Variants in POLN observed in about 807,000 individuals in gnomAD.
POLN encodes the protein DNA polymerase N.
A neutral mutation model predicts 113.5 loss-of-function variants in POLN; 108 were observed. The observed-to-expected ratio is 0.95, with a 90% CI of 0.81 to 1.12. The LOEUF is 1.12. POLN is among the 50% of genes most tolerant of loss of function. The pLI is 0.00. For synonymous variants in POLN, 386 were observed against 391.5 expected, an observed-to-expected ratio of 0.99 and a Z score of 0.17; for missense variants, 1,097 against 1,077.1, an observed-to-expected ratio of 1.02 and a Z score of -0.26.
chr4:2,114,916 G>A (rs1015608980), intron 19 of POLN, among the ~76,000 whole-genome samples: 1 of 151,818 alleles, frequency 6.6e-6, no homozygotes, highest in South Asian at 2.1e-4. Context: ...GGATTCTTTG[G>A]GGGGAGGGCT....
intron 16 of POLN, among the ~76,000 whole-genome samples, chr4:2,154,356 G>GA (rs1407857750): frequency 6.6e-6 from 1 of 151,896 alleles, no homozygotes; most frequent in Non-Finnish European, 1.5e-5. Context: ...ATACCAATAG[G>GA]AAAAAATAAA....
intron 19 of POLN, among the ~76,000 whole-genome samples, chr4:2,107,126 A>G (rs544099766): frequency 3.6e-4 from 55 of 152,122 alleles, no homozygotes; most frequent in African/African-American, 1.3e-3. Flanking sequence ...TTTTCTTCCA[A>G]TACATTTTCT....
At chr4:2,077,630 T>C (rs779552363) in intron 23 of POLN, among the ~76,000 whole-genome samples, 1 of 152,252 alleles carries the variant, frequency 6.6e-6, no homozygotes, top group Non-Finnish European at 1.5e-5. Context: ...ACTTTTCAAA[T>C]GGGCAGAAAC....
intron 16 of POLN, among the ~76,000 whole-genome samples, chr4:2,138,685 T>G (rs1237136934): frequency 6.6e-6 from 1 of 152,082 alleles, no homozygotes; most frequent in Non-Finnish European, 1.5e-5. Flanking sequence ...GCGGATCATT[T>G]GAGGTCAGCA....
rs1445168869 is a variant in POLN, at chr4:2,081,234, C to CGG, written c.2309-199_2309-198insCC. The CGG allele has an allele frequency of 7.7e-5, 117 of 1,520,052 alleles. No individual in the cohort carries two copies. The African/African-American group carries it at 1.1e-3, about 15-fold the overall frequency. The allele number at this position is 1,520,052 out of a possible 1,614,324, so 94.2% of individuals were successfully genotyped here. A position where few individuals can be genotyped will look rare whatever the true frequency, so the allele number is the denominator to read the frequency against. ...CTCCCGCCCTCTTGCTCCTGCAGGG[C>CGG]ACCTGGGTTTTGGGTGCCTTACTCC... On this transcript the variant is annotated intron_variant, in intron 22 of 25. Transcript: ENST00000511885.
At position 2,085,685 on chromosome 4, in the gene POLN, C is replaced by T; in HGVS notation, c.2125G>A (p.Glu709Lys). ...TTCTTGTACTTCTGCAAAAAACTCTCCAAAAACTGGGCAGCTTCCTGAATA... is the reference window on the plus strand; with the variant it reads ...TTCTTGTACTTCTGCAAAAAACTCTTCAAAAACTGGGCAGCTTCCTGAATA... ...VPIQEAAQFL[E>K]SFLQKYKKIK... Residue 709 changes from glutamate to lysine, a missense_variant, in exon 21 of 26, where the codon GAG becomes AAG. Physicochemically the swap from Glu to Lys is moderately conservative, Grantham distance 56. Transcript: ENST00000511885. The T allele has an allele frequency of 1.2e-6, 2 of 1,614,142 alleles. No homozygotes were observed. The highest frequency in any genetic ancestry group is 1.1e-5 in the South Asian group (1 of 91,088).
intron 7 of POLN, among the ~76,000 whole-genome samples, chr4:2,180,275 T>C (rs1357473293): frequency 6.6e-6 from 1 of 152,224 alleles, no homozygotes; most frequent in Non-Finnish European, 1.5e-5. Context: ...CAGAACACTT[T>C]AGACATGAAG....
chr4:2,123,139 C>T (rs1337542316), intron 19 of POLN, among the ~76,000 whole-genome samples: 1 of 152,018 alleles, frequency 6.6e-6, no homozygotes, highest in African/African-American at 2.4e-5. Context: ...TGCATTCCCA[C>T]TAAGGGTAAC....
chr4:2,102,809 T>C (rs555914284), intron 19 of POLN, among the ~76,000 whole-genome samples: 1 of 152,274 alleles, frequency 6.6e-6, no homozygotes, highest in Admixed American at 6.5e-5. Flanking sequence ...ATACCACTAA[T>C]GCTATTCACA....
At chr4:2,155,327 A>G (rs1732397106) in intron 16 of POLN, among the ~76,000 whole-genome samples, 1 of 152,182 alleles carries the variant, frequency 6.6e-6, no homozygotes, top group Non-Finnish European at 1.5e-5. Context: ...TCGCTAGATA[A>G]AGACCCCAGA....
intron 7 of POLN, among the ~76,000 whole-genome samples, chr4:2,192,873 T>C (rs1733486140): frequency 6.6e-6 from 1 of 151,704 alleles, no homozygotes; most frequent in African/African-American, 2.4e-5. Context: ...CCTATATTGT[T>C]TTGATGTTAA....
intron 16 of POLN, among the ~76,000 whole-genome samples, chr4:2,153,146 C>T (rs564655246): frequency 7.2e-5 from 11 of 152,294 alleles, no homozygotes; most frequent in Non-Finnish European, 1.2e-4. Context: ...CAGGGATCTC[C>T]ACAAGCTGTT....
intron 11 of POLN, among the ~76,000 whole-genome samples, chr4:2,173,693 T>C (rs1732922984): frequency 6.6e-6 from 1 of 152,178 alleles, no homozygotes; most frequent in Non-Finnish European, 1.5e-5. Context: ...CAGGGGACAA[T>C]GTCCCTGTAA....
chr4:2,155,233 AT>A (rs1732394485), intron 16 of POLN, among the ~76,000 whole-genome samples: 1 of 152,260 alleles, frequency 6.6e-6, no homozygotes, highest in Admixed American at 6.5e-5. Flanking sequence ...CAGTGCCTGC[AT>A]TCAGAGGAGA....
At position 2,080,708 on chromosome 4, in the gene POLN, AG is replaced by A. The variant is rs1326617551; in HGVS notation, c.2387+249del. The A allele has an allele frequency of 3.6e-6, 5 of 1,389,888 alleles. No individual in the cohort carries two copies. In the African/African-American group the frequency reaches 4.4e-5, roughly 12 times the overall value. 86.1% of individuals were successfully genotyped at this position (1,389,888 alleles called of 1,614,324 possible). A position where few individuals can be genotyped will look rare whatever the true frequency, so the allele number is the denominator to read the frequency against. On this transcript the variant is annotated intron_variant, in intron 23 of 25. Coordinates refer to ENST00000511885, the MANE Select transcript of POLN (RefSeq NM_181808.4). ...GTGCTGTGCAGACACCCCGAGGAGG[AG>A]GGGTCTGGGGGAGACAGCATTTCTG...
intron 20 of POLN, chr4:2,089,672 G>T: frequency 1.4e-6 from 1 of 705,796 alleles, no homozygotes. Context: ...AAACTGTCCT[G>T]TACTGGAATG....
chr4:2,105,609 A>G (rs757963826), intron 19 of POLN, among the ~76,000 whole-genome samples: 1 of 152,162 alleles, frequency 6.6e-6, no homozygotes, highest in Non-Finnish European at 1.5e-5. Flanking sequence ...CAGAAGACCC[A>G]AGAATGTGAG....
intron 15 of POLN, among the ~76,000 whole-genome samples, chr4:2,157,559 T>C (rs1561050562): frequency 6.6e-6 from 1 of 151,730 alleles, no homozygotes; most frequent in East Asian, 1.9e-4. Flanking sequence ...CCCTGTCTAC[T>C]AAAAATAGCA....
chr4:2,081,969 T>C (rs1356226114), intron 21 of POLN, among the ~76,000 whole-genome samples: 3 of 147,326 alleles, frequency 2.0e-5, no homozygotes, highest in Non-Finnish European at 4.5e-5. Flanking sequence ...TTTTTTTTTT[T>C]TTTGAGACAG....
Sources: allele counts gnomAD v4.1 joint callset (sites outside exome capture counted in the v4.1 genomes callset), GRCh38; gene constraint gnomAD v4.1.1; transcripts MANE v1.5; gene names NCBI Gene and HGNC (gene_info 2026-07-23, HGNC 2026-07-21).